CDC14B: variants seen among roughly 807,000 people sequenced by gnomAD.
CDC14B encodes the protein cell division cycle 14B, also known as dual specificity protein phosphatase CDC14B.
CDC14B carries 22 observed loss-of-function variants against 64.2 expected under a neutral mutation model. The observed-to-expected ratio is 0.34, with a 90% CI of 0.24 to 0.49. CDC14B has a LOEUF of 0.49. Ranked by LOEUF, CDC14B falls within the 20% of genes least tolerant of loss-of-function variation. CDC14B has a pLI of 0.99. For missense variants in CDC14B, 498 were observed against 629.9 expected, an observed-to-expected ratio of 0.79 and a Z score of 2.24; for synonymous variants, 191 against 215.8, an observed-to-expected ratio of 0.89 and a Z score of 1.01.
intron 1 of CDC14B, among the ~76,000 whole-genome samples, chr9:96,605,531 T>C (rs1326516532): frequency 6.6e-6 from 1 of 152,186 alleles, no homozygotes; most frequent in East Asian, 1.9e-4. Flanking sequence ...TAATGAGCTA[T>C]TTGTGGCTTG....
intron 1 of CDC14B, among the ~76,000 whole-genome samples, chr9:96,570,455 T>G (rs748400292): frequency 3.0e-4 from 46 of 152,128 alleles, no homozygotes; most frequent in Admixed American, 7.9e-4. Context: ...TCCCTACAGC[T>G]AGGGGAAGTC....
At chr9:96,582,290 C>CA (rs1845203714) in intron 1 of CDC14B, among the ~76,000 whole-genome samples, 2 of 152,170 alleles carry the variant, frequency 1.3e-5, no homozygotes, top group Non-Finnish European at 2.9e-5. Flanking sequence ...ATAAAAAAAT[C>CA]AATATACTTT....
At chr9:96,577,583 T>TGG (rs1258746919) in intron 1 of CDC14B, among the ~76,000 whole-genome samples, 1 of 152,186 alleles carries the variant, frequency 6.6e-6, no homozygotes, top group Non-Finnish European at 1.5e-5. Context: ...GACTGCTTTG[T>TGG]GGTTAAGTGA....
At chr9:96,563,298 C>T (rs1372528690) in intron 3 of CDC14B, among the ~76,000 whole-genome samples, 1 of 152,144 alleles carries the variant, frequency 6.6e-6, no homozygotes, top group Non-Finnish European at 1.5e-5. Context: ...TATGTATATT[C>T]CATTAGTGAA....
intron 4 of CDC14B, 196 bp downstream of exon 4, chr9:96,562,497 G>A: frequency 1.7e-6 from 1 of 580,196 alleles, no homozygotes. Flanking sequence ...TAAGTGGAAG[G>A]TACAGGAGAT....
At chr9:96,619,183 G>T in intron 1 of CDC14B, 36 bp downstream of exon 1, 1 of 1,233,142 alleles carries the variant, frequency 8.1e-7, no homozygotes. Context: ...GGGTGCGGCC[G>T]TCCGGGGCCC....
intron 12 of CDC14B, among the ~76,000 whole-genome samples, chr9:96,517,537 G>A (rs775342249): frequency 6.1e-4 from 91 of 148,414 alleles, no homozygotes; most frequent in Admixed American, 1.1e-3. Flanking sequence ...CACGCTACTC[G>A]GGAGGCTGAG....
At chr9:96,606,345 A>C (rs952970660) in intron 1 of CDC14B, among the ~76,000 whole-genome samples, 5 of 146,224 alleles carry the variant, frequency 3.4e-5, no homozygotes, top group Admixed American at 2.0e-4. Context: ...AAAAAAAAAA[A>C]AAAAAAAAAA....
intron 1 of CDC14B, among the ~76,000 whole-genome samples, chr9:96,590,028 T>C (rs1410997805): frequency 2.0e-5 from 3 of 152,104 alleles, no homozygotes; most frequent in African/African-American, 7.2e-5. Context: ...ATCTTAGCCA[T>C]TTTAAGAGCA....
chr9:96,596,379 A>AC (rs57312321), intron 1 of CDC14B, among the ~76,000 whole-genome samples: 6,627 of 150,622 alleles, frequency 0.044, 513 homozygotes, highest in African/African-American at 0.15. Context: ...AAAAAAAAAA[A>AC]ACACACAAAA....
Position 96,619,405 on chromosome 9 carries a change from C to A in CDC14B, c.-27G>T. Reference sequence around the variant, plus strand: ...GAGGCGGCCGCGGCCCGTCAGGGGGCCACGACCATGGCCCCGCGCGCCCGC... The same window carrying A: ...GAGGCGGCCGCGGCCCGTCAGGGGGACACGACCATGGCCCCGCGCGCCCGC... On this transcript the variant is annotated 5_prime_UTR_variant, in exon 1 of 14. Coordinates refer to ENST00000375241, the MANE Select transcript of CDC14B (RefSeq NM_033331.4). 8.6e-7 allele frequency: 1 copy of A among 1,161,924 alleles called. No individual in the cohort carries two copies. The highest frequency in any genetic ancestry group is 1.1e-6 in the Non-Finnish European group (1 of 943,942). The allele number at this position is 1,161,924 out of a possible 1,614,324, so 72.0% of individuals were successfully genotyped here.
At position 96,614,564 on chromosome 9, in the gene CDC14B, T is replaced by C. The variant is rs549406588; in HGVS notation, c.160+4655A>G. 9.6e-4 allele frequency among the ~76,000 whole-genome samples: 146 copies of C among 152,234 alleles called. No homozygotes were observed. In the Middle Eastern group the frequency reaches 0.01, roughly 11 times the overall value. ...ATTACATCTTATAAATTATCAAACA[T>C]AGATATATGCAGTAGTGTTAGAGTC... is the stretch of plus-strand genomic sequence containing the variant. On this transcript the variant is annotated intron_variant, in intron 1 of 13. Coordinates refer to ENST00000375241, the MANE Select transcript of CDC14B (RefSeq NM_033331.4).
intron 1 of CDC14B, among the ~76,000 whole-genome samples, chr9:96,616,045 G>A (rs139994640): frequency 6.6e-6 from 1 of 152,144 alleles, no homozygotes; most frequent in African/African-American, 2.4e-5. Context: ...TAACTAATCA[G>A]CTGCGGGCGG....
intron 9 of CDC14B, among the ~76,000 whole-genome samples, chr9:96,529,489 CCTT>C (rs1838097325): frequency 6.9e-6 from 1 of 145,156 alleles, no homozygotes; most frequent in Non-Finnish European, 1.5e-5. Context: ...TTGTACTAAG[CCTT>C]TTTTTTTTTT....
chr9:96,514,647 T>C lies in CDC14B; in HGVS notation c.1344-4858A>G, dbSNP rs1055405284. The C allele has an allele frequency of 3.0e-6, 3 of 985,344 alleles. No individual in the cohort carries two copies. In the African/African-American group the frequency reaches 5.2e-5, roughly 17 times the overall value. 61.0% of individuals were successfully genotyped at this position (985,344 alleles called of 1,614,324 possible). On this transcript the variant is annotated intron_variant, in intron 12 of 13. Coordinates refer to ENST00000375241, the MANE Select transcript of CDC14B (RefSeq NM_033331.4). ...AGAGATCTTGCAAGGAACTTTTGCA[T>C]TCTTTCATAACTTCCAAGTCCAAGA...
intron 5 of CDC14B, among the ~76,000 whole-genome samples, chr9:96,549,403 C>G (rs1455443609): frequency 1.3e-5 from 2 of 152,072 alleles, no homozygotes; most frequent in Non-Finnish European, 2.9e-5. Context: ...ACAGGCCACA[C>G]TTTATGAAAT....
At chr9:96,495,530 G>C (rs544236509), downstream of CDC14B, among the ~76,000 whole-genome samples, 3 of 152,170 alleles carry the variant, frequency 2.0e-5, no homozygotes, top group African/African-American at 7.2e-5. Context: ...CGGGTCTTGC[G>C]TCAGAGCAAC....
chr9:96,503,736 T>C lies in CDC14B; in HGVS notation c.*17A>G. ...CAGTCCTAGAGTCTTCCTTCAGCTC[T>C]GGTCACAGGTTTTTACTTAACGCAA... On this transcript the variant is annotated 3_prime_UTR_variant, in exon 14 of 14. Transcript: ENST00000375241. The C allele has an allele frequency of 6.2e-7, 1 of 1,611,460 alleles. No homozygotes were observed. The highest frequency in any genetic ancestry group is 8.5e-7 in the Non-Finnish European group (1 of 1,177,624).
chr9:96,615,070 A>C (rs1847539634), intron 1 of CDC14B, among the ~76,000 whole-genome samples: 1 of 151,926 alleles, frequency 6.6e-6, no homozygotes. Context: ...CGAACTCCTG[A>C]CCTCAGGTTA....
Sources: allele counts gnomAD v4.1 joint callset (sites outside exome capture counted in the v4.1 genomes callset), GRCh38; gene constraint gnomAD v4.1.1; transcripts MANE v1.5; gene names NCBI Gene and HGNC (gene_info 2026-07-23, HGNC 2026-07-21).